The following MSR1 variants were observed in gnomAD, a reference collection of about 807,000 sequenced individuals.
The protein encoded by MSR1 is macrophage scavenger receptor types I and II.
MSR1 carries 53 observed loss-of-function variants against 47.2 expected under a neutral mutation model. The ratio of observed to expected loss-of-function variants is 1.12; its 90% CI spans 0.90 to 1.41. The LOEUF is 1.41. MSR1 is among the 40% of genes most tolerant of loss of function. MSR1 has a pLI of 0.00. For missense variants in MSR1, 786 were observed against 546.9 expected (o/e 1.44, Z -4.36); for synonymous variants, 239 against 185.6 (o/e 1.29, Z -2.34).
rs888654604 is a variant in MSR1, at chr8:16,108,386, C to A, written c.*1699G>T. On this transcript the variant is annotated 3_prime_UTR_variant, in exon 10 of 10. Transcript: ENST00000262101. The stretch of plus-strand genomic sequence containing the variant: ...AGGCACTGATTTCAGACATCCCATG[C>A]ATACCACTTACGCATAAGTAGTAAA... 1 of 150,866 alleles carries A rather than the reference C, an allele frequency of 6.6e-6. No homozygotes were observed. The highest frequency in any genetic ancestry group is 2.4e-5 in the African/African-American group (1 of 41,060). 9.3% of individuals were successfully genotyped at this position (150,866 alleles called of 1,614,324 possible).
intron 9 of MSR1, among the ~76,000 whole-genome samples, chr8:16,115,704 G>A (rs762235430): frequency 3.2e-4 from 48 of 152,212 alleles, no homozygotes; most frequent in Non-Finnish European, 6.5e-4. Flanking sequence ...CAAACCAGGT[G>A]CAGTGGTTCA....
At position 16,120,615 on chromosome 8, in the gene MSR1, TTAAA is replaced by T. The variant is rs1419280139; in HGVS notation, c.1034-13_1034-10del. On this transcript the variant is annotated splice_polypyrimidine_tract_variant and intron_variant, in intron 8 of 9. Transcript: ENST00000262101. ...AACTTTCGTAAATGGAGCTGTAAAG[TTAAA>T]AAAAAAAAAAAAAAAAAAAAAAGGC... 3.4e-4 allele frequency: 450 copies of T among 1,333,566 alleles called. 1 individual carries two copies. Among genetic ancestry groups the T allele is most frequent in the African/African-American group, 3.2e-3 (114 of 35,232 alleles). The allele number at this position is 1,333,566 out of a possible 1,614,324, so 82.6% of individuals were successfully genotyped here.
chr8:16,178,155 C>T (rs765761356), intron 1 of MSR1, among the ~76,000 whole-genome samples, 163 bp from the exon 2 acceptor site: 3 of 150,370 alleles, frequency 2.0e-5, no homozygotes, highest in African/African-American at 7.4e-5. Context: ...GCACAACGTG[C>T]AGGTCTGTCA....
intron 9 of MSR1, among the ~76,000 whole-genome samples, chr8:16,111,348 C>A (rs1799752085): frequency 6.6e-6 from 1 of 152,078 alleles, no homozygotes; most frequent in Non-Finnish European, 1.5e-5. Context: ...AGAAATTAAA[C>A]TTTTGGTGAA....
At chr8:16,128,145 T>TA (rs1458904752) in intron 8 of MSR1, among the ~76,000 whole-genome samples, 1 of 152,070 alleles carries the variant, frequency 6.6e-6, no homozygotes, top group African/African-American at 2.4e-5. Flanking sequence ...TACAGAAACA[T>TA]AGACAAAGAA....
chr8:16,176,317 G>T (rs953357533), intron 2 of MSR1, among the ~76,000 whole-genome samples: 7 of 151,990 alleles, frequency 4.6e-5, no homozygotes, highest in African/African-American at 1.7e-4. Flanking sequence ...GACCAGCCTG[G>T]GCAACATGGA....
intron 6 of MSR1, among the ~76,000 whole-genome samples, chr8:16,154,723 A>G (rs898627649): frequency 6.6e-6 from 1 of 151,998 alleles, no homozygotes; most frequent in Non-Finnish European, 1.5e-5. Flanking sequence ...CATATGATCT[A>G]CGGTTAGGTC....
intron 3 of MSR1, among the ~76,000 whole-genome samples, chr8:16,173,610 G>C (rs1563165798): frequency 6.6e-6 from 1 of 151,860 alleles, no homozygotes; most frequent in African/African-American, 2.4e-5. Context: ...GAAGTTAATT[G>C]TTACCTCTAG....
intron 7 of MSR1, among the ~76,000 whole-genome samples, chr8:16,145,623 T>C (rs1362750193): frequency 6.6e-6 from 1 of 152,100 alleles, no homozygotes. Context: ...AAATAAAAAA[T>C]TAGTTTCATG....
chr8:16,169,876 TA>T (rs1371876428), intron 3 of MSR1, among the ~76,000 whole-genome samples: 1 of 150,904 alleles, frequency 6.6e-6, no homozygotes, highest in African/African-American at 2.5e-5. Flanking sequence ...TGTGATTAAT[TA>T]TTTCCCAAAT....
rs1028313444 is a variant in MSR1 at position 16,133,109 on chromosome 8, G to A, written c.1033+10449C>T. 2.6e-5 allele frequency among the ~76,000 whole-genome samples: 4 copies of A among 152,174 alleles called. 1 individual carries two copies. The Middle Eastern group carries it at 0.014, about 518-fold the overall frequency. On this transcript the variant is annotated intron_variant, in intron 8 of 9. Coordinates refer to ENST00000262101, the MANE Select transcript of MSR1 (RefSeq NM_138715.3). ...TTTTCCATTATTAGTAAAATATGGGGAGATTAAAACAGTTTGTGGAAAAAA... is the reference window on the plus strand; with the variant it reads ...TTTTCCATTATTAGTAAAATATGGGAAGATTAAAACAGTTTGTGGAAAAAA...
At chr8:16,171,050 C>G (rs534000995) in intron 3 of MSR1, among the ~76,000 whole-genome samples, 2 of 151,768 alleles carry the variant, frequency 1.3e-5, no homozygotes, top group East Asian at 3.9e-4. Flanking sequence ...ATGGTGAAAC[C>G]CCGTCTCTAC....
chr8:16,182,813 T>G (rs1801874130), intron 1 of MSR1, among the ~76,000 whole-genome samples: 1 of 152,190 alleles, frequency 6.6e-6, no homozygotes, highest in African/African-American at 2.4e-5. Context: ...GAATCTTTTT[T>G]TATAAATAGG....
chr8:16,113,181 C>T (rs1338777866), intron 9 of MSR1, among the ~76,000 whole-genome samples: 2 of 151,918 alleles, frequency 1.3e-5, no homozygotes. Flanking sequence ...ATCTCTTCAC[C>T]TTGTGATCCA....
chr8:16,188,919 A>T (rs75906217), intron 1 of MSR1, among the ~76,000 whole-genome samples: 6,305 of 149,154 alleles, frequency 0.042, 491 homozygotes, highest in African/African-American at 0.15. Flanking sequence ...ACTGAGGGAC[A>T]TTTGGGTTGG....
chr8:16,120,884 A>G (rs948466838), intron 8 of MSR1: 3 of 441,038 alleles, frequency 6.8e-6, no homozygotes, highest in Non-Finnish European at 1.2e-5. Flanking sequence ...TTATATTCCA[A>G]CGAGTTTGAA....
intron 5 of MSR1, among the ~76,000 whole-genome samples, chr8:16,161,729 A>G (rs542867721): frequency 1.1e-4 from 17 of 152,104 alleles, no homozygotes; most frequent in Non-Finnish European, 2.5e-4. Context: ...AATTTTACTA[A>G]CTATGAGCAT....
chr8:16,131,279 C>T (rs1266781055), intron 8 of MSR1, among the ~76,000 whole-genome samples: 6 of 151,952 alleles, frequency 3.9e-5, no homozygotes, highest in African/African-American at 1.2e-4. Flanking sequence ...GCCACGTGTA[C>T]GTCTTCCTTT....
intron 8 of MSR1, among the ~76,000 whole-genome samples, chr8:16,123,219 T>C (rs1348423262): frequency 6.6e-6 from 1 of 152,112 alleles, no homozygotes; most frequent in African/African-American, 2.4e-5. Flanking sequence ...TATTTTTCAG[T>C]TATAAATAAA....
Sources: allele counts gnomAD v4.1 joint callset (sites outside exome capture counted in the v4.1 genomes callset), GRCh38; gene constraint gnomAD v4.1.1; transcripts MANE v1.5; gene names NCBI Gene and HGNC (gene_info 2026-07-23, HGNC 2026-07-21).